Variants in RAD51 observed in about 807,000 individuals in gnomAD.
RAD51 encodes RAD51 recombinase, also known as DNA repair protein RAD51 homolog 1.
In RAD51, 14 loss-of-function variants were observed where a neutral mutation model predicts 41.5. The observed-to-expected ratio is 0.34, with a 90% CI of 0.22 to 0.53. The LOEUF (loss-of-function observed/expected upper bound fraction) is 0.53. Among genes scored for constraint, RAD51 ranks in the 20% least tolerant of loss-of-function variants. The probability of loss-of-function intolerance (pLI) is 0.95; values close to 1 mark genes in which losing one functional copy is unlikely to be tolerated. For missense variants in RAD51, 234 were observed against 422.0 expected (o/e 0.55, Z 3.90); for synonymous variants, 136 against 148.6 (o/e 0.92, Z 0.62).
intron 6 of RAD51, among the ~76,000 whole-genome samples, chr15:40,724,677 T>TC (rs1030596241): frequency 1.8e-5 from 2 of 110,966 alleles, no homozygotes; most frequent in Admixed American, 9.1e-5. Flanking sequence ...TTTATTTCTT[T>TC]TTTTTTTTTT....
chr15:40,714,624 G>T (rs1222970587), intron 5 of RAD51, among the ~76,000 whole-genome samples: 2 of 152,102 alleles, frequency 1.3e-5, no homozygotes, highest in African/African-American at 4.8e-5. Flanking sequence ...TTTTTTTAAA[G>T]AAAAAGAATG....
At chr15:40,728,238 C>G (rs949211641) in intron 6 of RAD51, among the ~76,000 whole-genome samples, 1 of 152,100 alleles carries the variant, frequency 6.6e-6, no homozygotes, top group South Asian at 2.1e-4. Context: ...CCAAGGTGGG[C>G]GGATTATGAG....
chr15:40,722,631 T>C (rs550813101), intron 6 of RAD51, among the ~76,000 whole-genome samples: 1 of 152,302 alleles, frequency 6.6e-6, no homozygotes, highest in African/African-American at 2.4e-5. Context: ...TTAATGTGCC[T>C]GAACTGTATA....
chr15:40,706,292 A>C lies in RAD51; in HGVS notation c.341A>C (p.Gln114Pro). The C allele has an allele frequency of 6.3e-7, 1 of 1,595,314 alleles. No homozygotes were observed. Among genetic ancestry groups the C allele is most frequent in the Non-Finnish European group, 8.6e-7 (1 of 1,162,812 alleles). ...TGSKELDKLL[Q>P]GGIETGSITE... ...TCCAAAGAGCTTGACAAACTACTTCAAGGTGTAGTAATCCTTTATCCTGTG... is the reference window on the plus strand; with the variant it reads ...TCCAAAGAGCTTGACAAACTACTTCCAGGTGTAGTAATCCTTTATCCTGTG... The change falls in exon 4 of 10, where the codon CAA (glutamine) becomes CCA (proline). Residue 114 changes from glutamine to proline, a missense_variant and splice_region_variant. Physicochemically the swap from Gln to Pro is moderately conservative, Grantham distance 76. Around this residue, in one of 2 missense-constraint regions of RAD51, gnomAD observed 100 missense variants for 135.5 expected, o/e 0.74. Coordinates refer to ENST00000267868, the MANE Select transcript of RAD51 (RefSeq NM_002875.5).
At chr15:40,717,721 C>T (rs981404348) in intron 5 of RAD51, among the ~76,000 whole-genome samples, 7 of 152,034 alleles carry the variant, frequency 4.6e-5, no homozygotes, top group South Asian at 2.1e-4. Flanking sequence ...TGCTCACACT[C>T]GAAATTTGCT....
intron 1 of RAD51, among the ~76,000 whole-genome samples, chr15:40,696,899 C>T (rs1484980649): frequency 6.6e-6 from 1 of 152,114 alleles, no homozygotes; most frequent in African/African-American, 2.4e-5. Context: ...TTGATATCTT[C>T]TGTGATGTGC....
intron 6 of RAD51, among the ~76,000 whole-genome samples, chr15:40,726,722 G>A (rs941643666): frequency 4.0e-5 from 6 of 151,836 alleles, no homozygotes; most frequent in Admixed American, 3.3e-4. Flanking sequence ...AGACCATCCT[G>A]GCTAACATGG....
intron 5 of RAD51, among the ~76,000 whole-genome samples, chr15:40,717,233 G>A (rs1368733228): frequency 1.3e-5 from 2 of 152,088 alleles, no homozygotes; most frequent in African/African-American, 2.4e-5. Flanking sequence ...AGCTACTTGG[G>A]AGGCTGAGGG....
chr15:40,706,075 TTTACTAATA>T, intron 3 of RAD51, 93 bp from the exon 4 acceptor site: 1 of 816,038 alleles, frequency 1.2e-6, no homozygotes, highest in South Asian at 1.5e-5. Context: ...CACACCTTGT[TTTACTAATA>T]TTTCTTTTTT....
intron 1 of RAD51, among the ~76,000 whole-genome samples, chr15:40,696,659 T>G (rs1165807700): frequency 6.6e-6 from 1 of 152,238 alleles, no homozygotes; most frequent in Non-Finnish European, 1.5e-5. Context: ...CAGTGGTAAC[T>G]GCTATACTGG....
rs1896878659 is a variant in RAD51 at position 40,731,596 on chromosome 15, T to C, written c.*418T>C. 3.1e-6 allele frequency: 1 copy of C among 322,688 alleles called. No homozygotes were observed. Among genetic ancestry groups the C allele is most frequent in the African/African-American group, 2.1e-5 (1 of 48,142 alleles). 20.0% of individuals were successfully genotyped at this position (322,688 alleles called of 1,614,324 possible). ...TGCCTCAGCTATGTAGCAAAGGGAATGGGTCTGCACAGATTCTTTTTTTCT... is the reference window on the plus strand; with the variant it reads ...TGCCTCAGCTATGTAGCAAAGGGAACGGGTCTGCACAGATTCTTTTTTTCT... On this transcript the variant is annotated 3_prime_UTR_variant, in exon 10 of 10. Coordinates refer to ENST00000267868, the MANE Select transcript of RAD51 (RefSeq NM_002875.5).
Position 40,706,190 on chromosome 15 carries a change from A to T in RAD51, c.239A>T (p.Lys80Ile), listed in dbSNP as rs751930241. ...KADKILAEAA[K>I]LVPMGFTTAT... ...TATTTTTCCCAGGCTGAGGCAGCTA[A>T]ATTAGTTCCAATGGGTTTCACCACT... Residue 80 changes from lysine to isoleucine, a missense_variant, in exon 4 of 10, where the codon AAA (lysine) becomes ATA (isoleucine). Transcript: ENST00000267868. 1 of 1,613,848 alleles carries T rather than the reference A, an allele frequency of 6.2e-7. No individual in the cohort carries two copies. Among genetic ancestry groups the T allele is most frequent in the Non-Finnish European group, 8.5e-7 (1 of 1,179,740 alleles).
chr15:40,714,470 G>C (rs117077494), intron 5 of RAD51, among the ~76,000 whole-genome samples: 2 of 152,306 alleles, frequency 1.3e-5, no homozygotes, highest in Non-Finnish European at 2.9e-5. Flanking sequence ...ACACTCCAAA[G>C]TTGTACAAAT....
intron 4 of RAD51, among the ~76,000 whole-genome samples, chr15:40,708,337 TCCTGCTTCAG>T (rs1157982001): frequency 1.3e-5 from 2 of 150,752 alleles, no homozygotes; most frequent in Non-Finnish European, 3.0e-5. Context: ...CAAGTGATTC[TCCTGCTTCAG>T]CCTGCTAGTA....
chr15:40,701,828 G>A (rs1455987913), intron 3 of RAD51: 2 of 265,234 alleles, frequency 7.5e-6, no homozygotes, highest in South Asian at 6.1e-5. Flanking sequence ...TCTGTTGCCA[G>A]GCTGGAGTGC....
chr15:40,710,373 G>A (rs753923927), intron 5 of RAD51, among the ~76,000 whole-genome samples: 14 of 150,570 alleles, frequency 9.3e-5, no homozygotes, highest in African/African-American at 3.2e-4. Context: ...GTGTTGGCAC[G>A]TGCCTGTAAT....
chr15:40,732,250 G>A lies in RAD51; in HGVS notation c.*1072G>A, dbSNP rs577922126. 5.6e-6 allele frequency: 1 copy of A among 178,796 alleles called. No individual in the cohort carries two copies. Among genetic ancestry groups the A allele is most frequent in the South Asian group, 2.0e-4 (1 of 5,044 alleles). 11.1% of individuals were successfully genotyped at this position (178,796 alleles called of 1,614,324 possible). ...CACTGTATAGGGGTGATCAGTTTCT[G>A]TTGCTTCAAGATTTGAAACCAGAAA... On this transcript the variant is annotated 3_prime_UTR_variant, in exon 10 of 10. Coordinates refer to ENST00000267868, the MANE Select transcript of RAD51 (RefSeq NM_002875.5).
intron 6 of RAD51, among the ~76,000 whole-genome samples, chr15:40,722,230 G>GGCC (rs1896312102): frequency 6.6e-6 from 1 of 152,014 alleles, no homozygotes; most frequent in Non-Finnish European, 1.5e-5. Flanking sequence ...TGGCCAACAT[G>GGCC]GTGAATCCCC....
Position 40,730,015 on chromosome 15 carries a change from A to G in RAD51, c.896+41A>G, listed in dbSNP as rs55815760. On this transcript the variant is annotated intron_variant, in intron 9 of 9. Transcript: ENST00000267868. ...GATCAGTTCTTCTTTTCGGAATGTC[A>G]TATTAACTGTGAAGACATGAAGATA... 637 of 1,607,122 alleles carry G rather than the reference A, an allele frequency of 4.0e-4. 2 individuals are homozygous for G. In the African/African-American group the frequency reaches 7.2e-3, roughly 18 times the overall value.
Sources: gnomAD v4.1 joint callset for allele counts (sites outside exome capture counted in the v4.1 genomes callset) on GRCh38, gnomAD v4.1.1 for gene constraint, gnomAD v4.1.1 regional missense constraint, MANE v1.5 for transcripts, NCBI Gene and HGNC (gene_info 2026-07-23, HGNC 2026-07-21) for gene names.